Variants in FGF12 observed in about 807,000 individuals in gnomAD.
The protein encoded by FGF12 is fibroblast growth factor 12B.
FGF12 carries 14 observed loss-of-function variants against 23.6 expected under a neutral mutation model. That is an observed-to-expected ratio of 0.59 (90% confidence interval 0.39 to 0.93). The LOEUF is 0.93. Ranked by LOEUF, FGF12 falls within the 40% of genes least tolerant of loss-of-function variation. The pLI, the probability that FGF12 is intolerant of heterozygous loss-of-function variation, is 0.00. For synonymous variants in FGF12, 62 were observed against 77.3 expected (o/e 0.80, Z 1.04); for missense variants, 175 against 217.8 (o/e 0.80, Z 1.24).
chr3:192,429,232 C>T (rs756232629), intron 2 of FGF12, among the ~76,000 whole-genome samples: 3 of 152,076 alleles, frequency 2.0e-5, no homozygotes, highest in Non-Finnish European at 2.9e-5. Flanking sequence ...TAACAGCCCT[C>T]GCAGATTAAT....
chr3:192,163,911 T>C (rs115551945), intron 5 of FGF12, among the ~76,000 whole-genome samples: 1 of 152,086 alleles, frequency 6.6e-6, no homozygotes, highest in Non-Finnish European at 1.5e-5. Context: ...TATTCCTTTA[T>C]TCCAAGTTTA....
rs1576990840 is a variant in FGF12, at chr3:192,452,245, A to G, written c.14-91707T>C. Among the ~76,000 whole-genome samples, 4 of 152,190 alleles carry G rather than the reference A, an allele frequency of 2.6e-5. 1 individual carries two copies. The South Asian group carries it at 8.3e-4, about 32-fold the overall frequency. ...ATTTTGTTAAATGTTTTTATTCTGT[A>G]TTTGTTGAGTTGACCATGTGAATTT... On this transcript the variant is annotated intron_variant, in intron 2 of 5. Coordinates refer to ENST00000445105, the MANE Select transcript of FGF12 (RefSeq NM_004113.6).
chr3:192,592,174 A>T (rs1203251954), intron 2 of FGF12, among the ~76,000 whole-genome samples: 21 of 151,814 alleles, frequency 1.4e-4, no homozygotes, highest in Admixed American at 1.4e-3. Flanking sequence ...GTAAACAGAC[A>T]TTTTGTCTGA....
chr3:192,550,922 C>G (rs770326492), intron 2 of FGF12, among the ~76,000 whole-genome samples: 31 of 152,290 alleles, frequency 2.0e-4, no homozygotes, highest in Middle Eastern at 6.8e-3. Flanking sequence ...TTAGCTTCCT[C>G]TCCCTGGAAC....
intron 2 of FGF12, among the ~76,000 whole-genome samples, chr3:192,388,018 G>T (rs1720122165): frequency 6.6e-6 from 1 of 152,118 alleles, no homozygotes; most frequent in Non-Finnish European, 1.5e-5. Flanking sequence ...CAACACTCTG[G>T]GAGGTCAAGG....
At chr3:192,440,399 A>T (rs1722169377) in intron 2 of FGF12, among the ~76,000 whole-genome samples, 1 of 152,296 alleles carries the variant, frequency 6.6e-6, no homozygotes, top group East Asian at 1.9e-4. Flanking sequence ...GACACAAGAC[A>T]ACAGCGGTGG....
chr3:192,183,254 G>A (rs1716279322), intron 4 of FGF12, among the ~76,000 whole-genome samples: 1 of 152,028 alleles, frequency 6.6e-6, no homozygotes, highest in African/African-American at 2.4e-5. Context: ...TGAGTAGGCT[G>A]AGATCTGACA....
At chr3:192,375,507 C>T (rs9810385) in intron 2 of FGF12, among the ~76,000 whole-genome samples, 23,131 of 152,054 alleles carry the variant, frequency 0.15, 2,940 homozygotes, top group East Asian at 0.37. Flanking sequence ...ATAATGCAAA[C>T]GGCTAAAAAC....
intron 4 of FGF12, among the ~76,000 whole-genome samples, chr3:192,314,808 A>G (rs2108676433): frequency 6.6e-6 from 1 of 152,320 alleles, no homozygotes; most frequent in East Asian, 1.9e-4. Context: ...TTGTGCACAT[A>G]TTGACACCTC....
chr3:192,343,169 C>A (rs1488839865), intron 3 of FGF12, among the ~76,000 whole-genome samples: 1 of 152,116 alleles, frequency 6.6e-6, no homozygotes, highest in Admixed American at 6.5e-5. Flanking sequence ...AATTCTAGAT[C>A]TATTTTGTCA....
chr3:192,586,996 A>G (rs771225420), intron 2 of FGF12, among the ~76,000 whole-genome samples: 7 of 152,174 alleles, frequency 4.6e-5, no homozygotes, highest in Non-Finnish European at 8.8e-5. Flanking sequence ...TAACATGATA[A>G]TTCTTACACT....
At chr3:192,616,359 T>C (rs1199177915) in intron 2 of FGF12, among the ~76,000 whole-genome samples, 1 of 152,058 alleles carries the variant, frequency 6.6e-6, no homozygotes, top group East Asian at 1.9e-4. Context: ...AGCCTATGAA[T>C]CTAAGTTAGT....
At chr3:192,370,718 G>A (rs1336634983) in intron 2 of FGF12, among the ~76,000 whole-genome samples, 3 of 152,174 alleles carry the variant, frequency 2.0e-5, no homozygotes, top group Non-Finnish European at 2.9e-5. Context: ...GAGCCAGTTA[G>A]GGAGCTATTC....
intron 2 of FGF12, among the ~76,000 whole-genome samples, chr3:192,609,369 G>A (rs1714464619): frequency 6.6e-6 from 1 of 152,080 alleles, no homozygotes; most frequent in Non-Finnish European, 1.5e-5. Context: ...GATATACTTT[G>A]GCTTATGATT....
At chr3:192,191,566 T>TCTTTAA (rs1321470553) in intron 4 of FGF12, among the ~76,000 whole-genome samples, 1 of 152,234 alleles carries the variant, frequency 6.6e-6, no homozygotes, top group African/African-American at 2.4e-5. Flanking sequence ...CCAGGCACAG[T>TCTTTAA]GGCTCACGCC....
chr3:192,429,073 A>C (rs1445689456), intron 2 of FGF12, among the ~76,000 whole-genome samples: 1 of 151,940 alleles, frequency 6.6e-6, no homozygotes, highest in African/African-American at 2.4e-5. Flanking sequence ...TACCCTACTC[A>C]CCCCAAACAC....
chr3:192,489,349 A>G (rs774449611), intron 2 of FGF12, among the ~76,000 whole-genome samples: 8 of 152,050 alleles, frequency 5.3e-5, no homozygotes, highest in Non-Finnish European at 1.2e-4. Flanking sequence ...GCACATTACA[A>G]AAAACCCATG....
Position 192,371,782 on chromosome 3 carries a change from G to A in FGF12, c.14-11244C>T, listed in dbSNP as rs1465289841. ...ATATTAGGGAACTGAGGCTTACAGA[G>A]GTGAAATCACTAGTGCTAAATTACA... On this transcript the variant is annotated intron_variant, in intron 2 of 5. Coordinates refer to ENST00000445105, the MANE Select transcript of FGF12 (RefSeq NM_004113.6). Among the ~76,000 whole-genome samples the A allele has an allele frequency of 2.0e-5, 3 of 152,252 alleles. No individual in the cohort carries two copies. In the East Asian group the frequency reaches 5.8e-4, roughly 29 times the overall value.
intron 2 of FGF12, among the ~76,000 whole-genome samples, chr3:192,499,173 C>G (rs1309623852): frequency 6.6e-6 from 1 of 152,080 alleles, no homozygotes; most frequent in African/African-American, 2.4e-5. Flanking sequence ...TGGACGTACA[C>G]TATTTCATTT....
Sources: allele counts gnomAD v4.1 joint callset (sites outside exome capture counted in the v4.1 genomes callset), GRCh38; gene constraint gnomAD v4.1.1; transcripts MANE v1.5; gene names NCBI Gene and HGNC (gene_info 2026-07-23, HGNC 2026-07-21).